PALLD: variants seen among roughly 807,000 people sequenced by gnomAD.
PALLD encodes the protein palladin, cytoskeletal associated protein.
In PALLD, 61 loss-of-function variants were observed where a neutral mutation model predicts 123.5. That is an observed-to-expected ratio of 0.49 (90% CI 0.40 to 0.61). The LOEUF (loss-of-function observed/expected upper bound fraction) is 0.61, where lower values mean the gene tolerates loss of function less well. Among genes scored for constraint, PALLD ranks in the 20% least tolerant of loss-of-function variants. The pLI is 0.00. For synonymous variants in PALLD, 465 were observed against 496.4 expected (o/e 0.94, Z 0.84); for missense variants, 1,273 against 1,377.0 (o/e 0.92, Z 1.20).
intron 10 of PALLD, among the ~76,000 whole-genome samples, chr4:168,817,654 G>A (rs1453558395): frequency 6.6e-6 from 1 of 152,116 alleles, no homozygotes; most frequent in African/African-American, 2.4e-5. Flanking sequence ...CAGTACGGGT[G>A]GAAGAGAACA....
intron 7 of PALLD, 78 bp downstream of exon 7, chr4:168,690,822 C>A: frequency 7.2e-7 from 1 of 1,391,508 alleles, no homozygotes; most frequent in Non-Finnish European, 1.0e-6. Flanking sequence ...AGGGCTAAGT[C>A]ATTAAGATGA....
chr4:168,835,802 G>A (rs1441632022), intron 10 of PALLD, among the ~76,000 whole-genome samples: 12 of 152,188 alleles, frequency 7.9e-5, no homozygotes, highest in East Asian at 5.8e-4. Context: ...AGGTTCAAGC[G>A]ATTCTCGTGC....
intron 2 of PALLD, among the ~76,000 whole-genome samples, chr4:168,548,788 A>G (rs533541982): frequency 1.3e-5 from 2 of 152,340 alleles, no homozygotes; most frequent in African/African-American, 4.8e-5. Context: ...TAAAATTATT[A>G]CCGTAAATGA....
rs34609466 is a variant in PALLD, at chr4:168,793,361, G to A, written c.1964+81438G>A. ...TATGTGTGCATATATATACATATAT[G>A]TGTGCATATATATCACATATATATA... On this transcript the variant is annotated intron_variant, in intron 10 of 21. Transcript: ENST00000505667. 3.1e-3 allele frequency among the ~76,000 whole-genome samples: 125 copies of A among 40,820 alleles called. 19 individuals carry two copies. The highest frequency in any genetic ancestry group is 5.2e-3 in the Non-Finnish European group (68 of 13,028). 26.8% of individuals were successfully genotyped at this position (40,820 alleles called of 152,430 possible).
chr4:168,822,073 G>A (rs1742804534), intron 10 of PALLD, among the ~76,000 whole-genome samples: 1 of 152,008 alleles, frequency 6.6e-6, no homozygotes, highest in South Asian at 2.1e-4. Flanking sequence ...TTAGAGCTCA[G>A]CCATCCAGCC....
chr4:168,602,591 TATG>T (rs2149730703), intron 2 of PALLD, among the ~76,000 whole-genome samples: 1 of 152,318 alleles, frequency 6.6e-6, no homozygotes, highest in African/African-American at 2.4e-5. Context: ...TTGCTCAGCG[TATG>T]ATAAGTTTGG....
At chr4:168,690,044 G>C (rs902116732) in intron 6 of PALLD, among the ~76,000 whole-genome samples, 14 of 152,160 alleles carry the variant, frequency 9.2e-5, no homozygotes, top group African/African-American at 3.4e-4. Flanking sequence ...AGTACAGCAT[G>C]TTTCATTACT....
intron 8 of PALLD, among the ~76,000 whole-genome samples, chr4:168,702,886 A>AT (rs761962637): frequency 0.086 from 12,795 of 148,666 alleles, 592 homozygotes; most frequent in Middle Eastern, 0.14. Context: ...TTATTTATTT[A>AT]TTTATTTTAT....
At chr4:168,682,941 A>C (rs13127178) in intron 4 of PALLD, 57 bp from the exon 5 acceptor site, 38 of 1,049,300 alleles carry the variant, frequency 3.6e-5, no homozygotes, top group African/African-American at 2.9e-4. Context: ...AAAAAAAAAA[A>C]CAAAAAAACG....
chr4:168,799,725 A>G (rs190828118), intron 10 of PALLD, among the ~76,000 whole-genome samples: 6 of 152,304 alleles, frequency 3.9e-5, no homozygotes, highest in Admixed American at 2.0e-4. Context: ...GCATATGTGA[A>G]TAAATTTTGG....
chr4:168,530,425 A>G (rs1352951136), intron 2 of PALLD: 1 of 152,204 alleles, frequency 6.6e-6, no homozygotes, highest in Non-Finnish European at 1.5e-5. Context: ...CCTTCAATAA[A>G]CCTAGAACTG....
At chr4:168,510,481 A>G (rs970389686) in intron 1 of PALLD, among the ~76,000 whole-genome samples, 30 of 152,200 alleles carry the variant, frequency 2.0e-4, no homozygotes, top group African/African-American at 7.2e-4. Context: ...CCTCCACTTT[A>G]CTACCTCCCA....
chr4:168,588,105 G>A (rs1012258394), intron 2 of PALLD, among the ~76,000 whole-genome samples: 1 of 152,100 alleles, frequency 6.6e-6, no homozygotes, highest in Non-Finnish European at 1.5e-5. Context: ...TCTGCGGAGT[G>A]CCCATTCCTC....
At chr4:168,589,291 C>T (rs1347369680) in intron 2 of PALLD, among the ~76,000 whole-genome samples, 1 of 152,156 alleles carries the variant, frequency 6.6e-6, no homozygotes, top group Non-Finnish European at 1.5e-5. Flanking sequence ...CCCTCAGGGC[C>T]AGACAGGTGT....
intron 2 of PALLD, among the ~76,000 whole-genome samples, chr4:168,603,750 C>T (rs576080068): frequency 1.2e-4 from 18 of 152,274 alleles, no homozygotes; most frequent in Middle Eastern, 6.8e-3. Context: ...AAAATTTGAA[C>T]TCGTGTATTC....
chr4:168,690,530 T>A, intron 6 of PALLD, 73 bp from the exon 7 acceptor site: 1 of 1,575,794 alleles, frequency 6.3e-7, no homozygotes, highest in Non-Finnish European at 8.7e-7. Context: ...GGAATTTTTA[T>A]TCTGTGTTGT....
At chr4:168,740,688 A>G (rs1788238922) in intron 10 of PALLD, among the ~76,000 whole-genome samples, 1 of 152,204 alleles carries the variant, frequency 6.6e-6, no homozygotes, top group African/African-American at 2.4e-5. Context: ...AGAGTTCAAG[A>G]GTTTAAGCCA....
intron 1 of PALLD, among the ~76,000 whole-genome samples, chr4:168,498,316 G>A (rs1292558764): frequency 6.6e-6 from 1 of 151,510 alleles, no homozygotes; most frequent in African/African-American, 2.4e-5. Context: ...GGGGTTCTGT[G>A]TCAGCTCTTC....
chr4:168,803,316 T>G (rs1009051745), intron 10 of PALLD, among the ~76,000 whole-genome samples: 1 of 152,052 alleles, frequency 6.6e-6, no homozygotes, highest in Non-Finnish European at 1.5e-5. Flanking sequence ...TGCCACACAC[T>G]CTTAAACAAC....
Sources: gnomAD v4.1 joint callset for allele counts (sites outside exome capture counted in the v4.1 genomes callset) on GRCh38, gnomAD v4.1.1 for gene constraint, MANE v1.5 for transcripts, NCBI Gene and HGNC (gene_info 2026-07-23, HGNC 2026-07-21) for gene names.